RALGAPB: variants seen among roughly 807,000 people sequenced by gnomAD.
RALGAPB encodes the protein ral GTPase-activating protein subunit beta.
Under a neutral mutation model 161.1 loss-of-function variants are expected in RALGAPB, and 25 were observed. The observed-to-expected ratio is 0.16, with a 90% CI of 0.11 to 0.22. The LOEUF is 0.22. Among genes scored for constraint, RALGAPB ranks in the 10% least tolerant of loss-of-function variants. The pLI is 1.00. For missense variants in RALGAPB, 1,391 were observed against 1,815.2 expected (o/e 0.77, Z 4.25); for synonymous variants, 629 against 626.1 (o/e 1.00, Z -0.07).
At chr20:38,560,739 G>T (rs993817440) in intron 23 of RALGAPB, among the ~76,000 whole-genome samples, 2 of 152,138 alleles carry the variant, frequency 1.3e-5, no homozygotes, top group South Asian at 4.1e-4. Context: ...GAAGCTGAGG[G>T]TGACTAGGAA....
At chr20:38,556,160 A>G (rs1012071803) in intron 22 of RALGAPB, among the ~76,000 whole-genome samples, 2 of 152,192 alleles carry the variant, frequency 1.3e-5, no homozygotes, top group African/African-American at 4.8e-5. Flanking sequence ...CCCAGGAGCA[A>G]ACTAGAGGAA....
At chr20:38,479,113 C>T (rs1450297646) in intron 1 of RALGAPB, among the ~76,000 whole-genome samples, 1 of 152,186 alleles carries the variant, frequency 6.6e-6, no homozygotes, top group Non-Finnish European at 1.5e-5. Context: ...ATATTGAATA[C>T]TACTGTACCA....
Position 38,541,112 on chromosome 20 carries a change from A to G in RALGAPB, c.2634A>G (p.Gln878=), listed in dbSNP as rs1419982064. 1 of 1,614,128 alleles carries G rather than the reference A, an allele frequency of 6.2e-7. No individual in the cohort carries two copies. The highest frequency in any genetic ancestry group is 8.5e-7 in the Non-Finnish European group (1 of 1,179,994). The change falls in exon 18 of 30, where the codon CAA becomes CAG. Residue 878 remains glutamine (Q), a synonymous_variant. Transcript: ENST00000262879. ...ISGSKSKNNE[Q]EVKYKGDKEP... ...GAAGTAAGTCCAAGAACAATGAGCA[A>G]GAGGTCAAGTACAAAGGAGATAAGG...
chr20:38,512,241 A>C (rs1037970102), intron 6 of RALGAPB, among the ~76,000 whole-genome samples: 3 of 152,224 alleles, frequency 2.0e-5, no homozygotes, highest in African/African-American at 7.2e-5. Context: ...AAGAGCTCTG[A>C]ATATTTCACT....
chr20:38,562,648 T>C lies in RALGAPB; in HGVS notation c.3648T>C (p.Ser1216=). The part of the protein sequence containing the change: ...GRHPGWTGHV[S]TSWSINCCDD... Reference sequence around the variant, plus strand: ...ACCCTGGTTGGACTGGGCATGTTTCTACCAGTTGGTCTATTAATTGTTGTG... The same window carrying C: ...ACCCTGGTTGGACTGGGCATGTTTCCACCAGTTGGTCTATTAATTGTTGTG... Residue 1216 remains serine (S), a synonymous_variant, in exon 24 of 30, where the codon TCT becomes TCC. Transcript: ENST00000262879. 6.2e-7 allele frequency: 1 copy of C among 1,613,932 alleles called. No homozygotes were observed. The highest frequency in any genetic ancestry group is 8.5e-7 in the Non-Finnish European group (1 of 1,179,912).
chr20:38,508,564 T>C (rs2085838232), intron 5 of RALGAPB, among the ~76,000 whole-genome samples: 1 of 152,140 alleles, frequency 6.6e-6, no homozygotes, highest in Non-Finnish European at 1.5e-5. Flanking sequence ...TACTAATTAT[T>C]TTAAATTATT....
intron 21 of RALGAPB, among the ~76,000 whole-genome samples, chr20:38,551,660 C>G (rs2087380655): frequency 6.6e-6 from 1 of 152,158 alleles, no homozygotes; most frequent in African/African-American, 2.4e-5. Flanking sequence ...CAAAGAATTT[C>G]AGATTTTGAG....
At chr20:38,509,782 C>T (rs2085877977) in intron 6 of RALGAPB, among the ~76,000 whole-genome samples, 1 of 152,186 alleles carries the variant, frequency 6.6e-6, no homozygotes, top group Non-Finnish European at 1.5e-5. Context: ...CTGTTGTAAA[C>T]TGATTCTTAA....
chr20:38,571,310 G>A (rs1310822715), intron 28 of RALGAPB, among the ~76,000 whole-genome samples: 1 of 152,066 alleles, frequency 6.6e-6, no homozygotes, highest in Non-Finnish European at 1.5e-5. Context: ...GTACTATACT[G>A]TTGATCTTTA....
At chr20:38,505,977 A>T (rs1003747532) in intron 5 of RALGAPB, among the ~76,000 whole-genome samples, 2 of 152,234 alleles carry the variant, frequency 1.3e-5, no homozygotes, top group Non-Finnish European at 2.9e-5. Context: ...GTATCCATGG[A>T]CACAGCCAGT....
chr20:38,496,826 T>C (rs1340399255), intron 3 of RALGAPB, among the ~76,000 whole-genome samples: 1 of 152,226 alleles, frequency 6.6e-6, no homozygotes, highest in Non-Finnish European at 1.5e-5. Context: ...TCATTAATTT[T>C]GGGGACCTAT....
intron 15 of RALGAPB, among the ~76,000 whole-genome samples, chr20:38,534,170 CAAAA>C (rs1176991530): frequency 1.4e-5 from 2 of 145,204 alleles, no homozygotes; most frequent in South Asian, 2.2e-4. Context: ...AAAACAAAAA[CAAAA>C]AAAGAAATTT....
intron 21 of RALGAPB, 68 bp downstream of exon 21, chr20:38,551,291 A>C: frequency 6.6e-7 from 1 of 1,522,076 alleles, no homozygotes; most frequent in Non-Finnish European, 9.0e-7. Context: ...TCCTTGGTCA[A>C]GACAATGCTT....
At chr20:38,479,270 C>CT (rs1372085509) in intron 1 of RALGAPB, among the ~76,000 whole-genome samples, 1 of 152,170 alleles carries the variant, frequency 6.6e-6, no homozygotes, top group East Asian at 1.9e-4. Context: ...AATGAAATAA[C>CT]TGATGTCTGG....
intron 6 of RALGAPB, among the ~76,000 whole-genome samples, chr20:38,509,805 C>T (rs1447020083): frequency 1.3e-5 from 2 of 152,130 alleles, no homozygotes; most frequent in Non-Finnish European, 2.9e-5. Context: ...TTTTTCCTTG[C>T]ATATCTTCTC....
rs537103062 is a variant in RALGAPB at position 38,513,242 on chromosome 20, G to A, written c.873-2950G>A. On this transcript the variant is annotated intron_variant, in intron 6 of 29. Transcript: ENST00000262879. ...AAATGGGCTGGGCGTGGTGGCTCAC[G>A]CCTGTAATCCCAACACTTTGGGAGG... Among the ~76,000 whole-genome samples the A allele has an allele frequency of 1.3e-4, 20 of 151,630 alleles. No individual in the cohort carries two copies. In the South Asian group the frequency reaches 3.8e-3, roughly 29 times the overall value.
chr20:38,482,277 A>G (rs2084991767), intron 1 of RALGAPB, among the ~76,000 whole-genome samples: 1 of 152,086 alleles, frequency 6.6e-6, no homozygotes, highest in Non-Finnish European at 1.5e-5. Flanking sequence ...AAGGGGAGGC[A>G]TTAGTTTTGC....
At chr20:38,517,420 C>T in intron 7 of RALGAPB, 86 bp from the exon 8 acceptor site, 2 of 1,363,544 alleles carry the variant, frequency 1.5e-6, no homozygotes, top group East Asian at 4.7e-5. Context: ...TGTCCCAAGC[C>T]TTCACTAGGT....
At chr20:38,491,558 C>T (rs935517500) in intron 2 of RALGAPB, among the ~76,000 whole-genome samples, 11 of 152,288 alleles carry the variant, frequency 7.2e-5, no homozygotes, top group East Asian at 3.9e-4. Context: ...CCCAGATACC[C>T]GTTTGCCGGA....
Sources: gnomAD v4.1 joint callset for allele counts (sites outside exome capture counted in the v4.1 genomes callset) on GRCh38, gnomAD v4.1.1 for gene constraint, MANE v1.5 for transcripts, NCBI Gene and HGNC (gene_info 2026-07-23, HGNC 2026-07-21) for gene names.